The following PTPRT variants were observed in gnomAD, a reference collection of about 807,000 sequenced individuals.
The protein encoded by PTPRT is protein tyrosine phosphatase receptor type T, also known as receptor-type tyrosine-protein phosphatase T.
A neutral mutation model predicts 176.8 loss-of-function variants in PTPRT; 56 were observed. That is an observed-to-expected ratio of 0.32 (90% CI 0.26 to 0.40). The LOEUF (loss-of-function observed/expected upper bound fraction) is 0.40. Ranked by LOEUF, PTPRT falls within the 10% of genes least tolerant of loss-of-function variation. PTPRT has a pLI of 1.00. For synonymous variants in PTPRT, 783 were observed against 739.0 expected (o/e 1.06, Z -0.96); for missense variants, 1,540 against 1,908.2 (o/e 0.81, Z 3.60).
At chr20:42,831,366 C>T (rs1027144150) in intron 2 of PTPRT, among the ~76,000 whole-genome samples, 1 of 152,108 alleles carries the variant, frequency 6.6e-6, no homozygotes, top group Non-Finnish European at 1.5e-5. Context: ...ATACCCTATA[C>T]AAAAATCAAC....
intron 7 of PTPRT, among the ~76,000 whole-genome samples, chr20:42,511,851 T>A (rs987355213): frequency 6.6e-6 from 1 of 152,032 alleles, no homozygotes; most frequent in Non-Finnish European, 1.5e-5. Context: ...TTCCTACCAA[T>A]GACAGCAAAG....
At chr20:42,378,117 A>G (rs1316998326) in intron 9 of PTPRT, among the ~76,000 whole-genome samples, 1 of 152,238 alleles carries the variant, frequency 6.6e-6, no homozygotes, top group Non-Finnish European at 1.5e-5. Flanking sequence ...GATGAAATGA[A>G]GTGTGTATTG....
At position 42,395,898 on chromosome 20, in the gene PTPRT, G is replaced by T. The variant is rs530274031; in HGVS notation, c.1561-43613C>A. ...AATTTTCCACCTTAAAAATCCAAGGGTCCCAAAGCTTAGCACTAGAATCTC... is the reference window on the plus strand; with the variant it reads ...AATTTTCCACCTTAAAAATCCAAGGTTCCCAAAGCTTAGCACTAGAATCTC... On this transcript the variant is annotated intron_variant, in intron 9 of 30. Coordinates refer to ENST00000373187, the MANE Select transcript of PTPRT (RefSeq NM_007050.6). Among the ~76,000 whole-genome samples, 3 of 152,004 alleles carry T rather than the reference G, an allele frequency of 2.0e-5. No individual in the cohort carries two copies. In the South Asian group the frequency reaches 6.2e-4, roughly 32 times the overall value.
At chr20:43,060,207 T>C (rs1043663521) in intron 1 of PTPRT, among the ~76,000 whole-genome samples, 33 of 152,164 alleles carry the variant, frequency 2.2e-4, no homozygotes, top group African/African-American at 6.5e-4. Flanking sequence ...CAGAACACCA[T>C]AGACTAAGTG....
chr20:42,627,044 T>A (rs933889127), intron 7 of PTPRT, among the ~76,000 whole-genome samples: 1 of 152,202 alleles, frequency 6.6e-6, no homozygotes, highest in Non-Finnish European at 1.5e-5. Context: ...TTTTACTTTT[T>A]TTTGTCTGAA....
At chr20:42,922,547 G>A (rs771168071) in intron 1 of PTPRT, among the ~76,000 whole-genome samples, 9 of 152,134 alleles carry the variant, frequency 5.9e-5, no homozygotes, top group African/African-American at 7.2e-5. Flanking sequence ...CTCCAAACCC[G>A]TTCCTCTCAA....
chr20:42,352,228 C>G lies in PTPRT; in HGVS notation c.1618G>C (p.Gly540Arg), dbSNP rs2145524710. ...DPSADLSSQR[G>R]KVFKLRNETH... The stretch of plus-strand genomic sequence containing the variant: ...TCATTCCGGAGCTTGAACACTTTCC[C>G]CCTCTGGCTCGAGAGGTCAGCACTT... Residue 540 changes from glycine to arginine, a missense_variant, in exon 10 of 31, where the codon GGG becomes CGG. Transcript: ENST00000373187. 4 of 1,614,160 alleles carry G rather than the reference C, an allele frequency of 2.5e-6. No homozygotes were observed. The highest frequency in any genetic ancestry group is 3.4e-6 in the Non-Finnish European group (4 of 1,180,038).
At chr20:42,043,397 A>G in the PTPRT span, among the ~76,000 whole-genome samples, 1 of 152,170 alleles carries the variant, frequency 6.6e-6, no homozygotes, top group African/African-American at 2.4e-5. Flanking sequence ...CTATTTCCCA[A>G]TTCCCTTGCA....
At chr20:42,778,704 A>G (rs186833225) in intron 4 of PTPRT, among the ~76,000 whole-genome samples, 133 of 152,362 alleles carry the variant, frequency 8.7e-4, no homozygotes, top group African/African-American at 3.1e-3. Context: ...TCAAATGAGC[A>G]GCTGATGGTG....
intron 2 of PTPRT, among the ~76,000 whole-genome samples, chr20:42,864,277 CGAT>C (rs1600490650): frequency 6.6e-6 from 1 of 152,152 alleles, no homozygotes; most frequent in Non-Finnish European, 1.5e-5. Flanking sequence ...GGCCAGTAGG[CGAT>C]GATGAACATT....
chr20:42,108,545 C>A (rs548744571), intron 23 of PTPRT, among the ~76,000 whole-genome samples: 4 of 152,252 alleles, frequency 2.6e-5, no homozygotes, highest in Admixed American at 2.0e-4. Flanking sequence ...TGCTTTGTGC[C>A]TGGATACATA....
Position 42,460,822 on chromosome 20 carries a change from T to C in PTPRT, c.1450+11444A>G, listed in dbSNP as rs553013107. On this transcript the variant is annotated intron_variant, in intron 8 of 30. Coordinates refer to ENST00000373187, the MANE Select transcript of PTPRT (RefSeq NM_007050.6). ...CCTCCCAGCCATGCTGATTTATGAG[T>C]CAATTAAAGCTCTTTCCTTTATAAA... Among the ~76,000 whole-genome samples, 673 of 152,226 alleles carry C rather than the reference T, an allele frequency of 4.4e-3. 6 individuals are homozygous for C. The highest frequency in any genetic ancestry group is 7.8e-3 in the Non-Finnish European group (533 of 68,024).
At chr20:42,051,845 T>C in the PTPRT span, among the ~76,000 whole-genome samples, 2 of 152,206 alleles carry the variant, frequency 1.3e-5, no homozygotes, top group South Asian at 2.1e-4. Flanking sequence ...TGAGTGACCT[T>C]GTGTCTTCTG....
intron 17 of PTPRT, among the ~76,000 whole-genome samples, chr20:42,145,770 G>A (rs16986558): frequency 0.064 from 9,785 of 152,128 alleles, 558 homozygotes; most frequent in East Asian, 0.25. Flanking sequence ...TTTTAGATTC[G>A]GGTAATAAAG....
At chr20:42,559,295 T>C (rs13041581) in intron 7 of PTPRT, among the ~76,000 whole-genome samples, 33,868 of 151,950 alleles carry the variant, frequency 0.22, 4,118 homozygotes, top group African/African-American at 0.31. Context: ...GTCTTCATCG[T>C]CTTTCTTTTT....
At chr20:42,789,453 G>A (rs1448511488) in intron 3 of PTPRT, among the ~76,000 whole-genome samples, 1 of 152,136 alleles carries the variant, frequency 6.6e-6, no homozygotes, top group Non-Finnish European at 1.5e-5. Flanking sequence ...TTCAAGCTTG[G>A]GTTATCACTT....
intron 27 of PTPRT, among the ~76,000 whole-genome samples, chr20:42,095,773 C>T (rs183181114): frequency 6.6e-6 from 1 of 152,278 alleles, no homozygotes; most frequent in Non-Finnish European, 1.5e-5. Context: ...CTCGCTTTGT[C>T]TGTGTTGCTC....
chr20:42,240,856 C>T (rs1023688144), intron 14 of PTPRT, among the ~76,000 whole-genome samples: 3 of 152,186 alleles, frequency 2.0e-5, no homozygotes, highest in Non-Finnish European at 2.9e-5. Flanking sequence ...TAATCTAGTC[C>T]ATATGTCTGA....
rs974692067 is a variant in PTPRT, at chr20:42,309,992, C to T, written c.2139+5731G>A. 2.4e-4 allele frequency among the ~76,000 whole-genome samples: 36 copies of T among 152,232 alleles called. 1 individual carries two copies. The highest frequency in any genetic ancestry group is 1.3e-4 in the Non-Finnish European group (9 of 68,012). On this transcript the variant is annotated intron_variant, in intron 12 of 30. Coordinates refer to ENST00000373187, the MANE Select transcript of PTPRT (RefSeq NM_007050.6). Reference sequence around the variant, plus strand: ...GGTTCTTAGGTAATATGGTTGGACTCTTCTCTGGAGATGTGAGATTGAAAC... The same window carrying T: ...GGTTCTTAGGTAATATGGTTGGACTTTTCTCTGGAGATGTGAGATTGAAAC...
Sources: gnomAD v4.1 joint callset for allele counts (sites outside exome capture counted in the v4.1 genomes callset) on GRCh38, gnomAD v4.1.1 for gene constraint, MANE v1.5 for transcripts, NCBI Gene and HGNC (gene_info 2026-07-23, HGNC 2026-07-21) for gene names.